AOAH: variants seen among roughly 807,000 people sequenced by gnomAD.
AOAH encodes the protein acyloxyacyl hydrolase (neutrophil).
A neutral mutation model predicts 92.2 loss-of-function variants in AOAH; 64 were observed. That is an observed-to-expected ratio of 0.69 (90% CI 0.57 to 0.86). AOAH has a LOEUF of 0.86. Ranked by LOEUF, AOAH falls within the 40% of genes least tolerant of loss-of-function variation. The pLI is 0.00. For missense variants in AOAH, 656 were observed against 694.6 expected, an observed-to-expected ratio of 0.94 and a Z score of 0.62; for synonymous variants, 263 against 254.5, an observed-to-expected ratio of 1.03 and a Z score of -0.32.
At chr7:36,668,078 T>C (rs1795656945) in intron 3 of AOAH, among the ~76,000 whole-genome samples, 1 of 152,222 alleles carries the variant, frequency 6.6e-6, no homozygotes, top group African/African-American at 2.4e-5. Flanking sequence ...ATACCTACCA[T>C]ATTTGTTACT....
intron 20 of AOAH, among the ~76,000 whole-genome samples, chr7:36,515,507 A>C (rs1314719934): frequency 1.5e-4 from 11 of 73,992 alleles, no homozygotes; most frequent in Non-Finnish European, 2.2e-4. Flanking sequence ...TCACAAACAC[A>C]CCCCCAAACA....
intron 3 of AOAH, among the ~76,000 whole-genome samples, chr7:36,672,166 C>A (rs534411445): frequency 6.6e-6 from 1 of 152,252 alleles, no homozygotes; most frequent in South Asian, 2.1e-4. Flanking sequence ...AGAGCGAGAT[C>A]GCTATTAAGA....
At chr7:36,537,520 T>TG (rs939349331) in intron 16 of AOAH, among the ~76,000 whole-genome samples, 13 of 145,044 alleles carry the variant, frequency 9.0e-5, no homozygotes, top group African/African-American at 3.1e-4. Context: ...TTTTTTTTTT[T>TG]TTGTTTGTTT....
At chr7:36,624,981 C>T (rs1792541769) in intron 6 of AOAH, among the ~76,000 whole-genome samples, 1 of 152,166 alleles carries the variant, frequency 6.6e-6, no homozygotes, top group Non-Finnish European at 1.5e-5. Context: ...TATATTAAAT[C>T]CTCCTTGCAC....
chr7:36,705,227 T>C (rs575232509), intron 1 of AOAH, among the ~76,000 whole-genome samples: 54 of 152,326 alleles, frequency 3.5e-4, no homozygotes, highest in African/African-American at 1.3e-3. Flanking sequence ...TGATTGTATA[T>C]TTAGAAAACC....
At chr7:36,653,499 T>C (rs1016452216) in intron 4 of AOAH, among the ~76,000 whole-genome samples, 2 of 152,194 alleles carry the variant, frequency 1.3e-5, no homozygotes, top group Admixed American at 1.3e-4. Flanking sequence ...TCCTGGTAGT[T>C]TGGATTCCAG....
chr7:36,547,206 G>T (rs374894373), intron 15 of AOAH, among the ~76,000 whole-genome samples: 1 of 152,148 alleles, frequency 6.6e-6, no homozygotes, highest in Non-Finnish European at 1.5e-5. Context: ...GAAAGTCCCC[G>T]GTGTCTCTTC....
At chr7:36,548,866 T>C (rs1785989939) in intron 14 of AOAH, among the ~76,000 whole-genome samples, 180 bp from the exon 15 acceptor site, 1 of 152,242 alleles carries the variant, frequency 6.6e-6, no homozygotes, top group African/African-American at 2.4e-5. Flanking sequence ...TTATTCTCTA[T>C]AATCATTATC....
Position 36,516,443 on chromosome 7 carries a change from CCA to C in AOAH, c.1600-3065_1600-3064del, listed in dbSNP as rs869031342. Among the ~76,000 whole-genome samples, 2 of 111,720 alleles carry C rather than the reference CCA, an allele frequency of 1.8e-5. No individual in the cohort carries two copies. Among genetic ancestry groups the C allele is most frequent in the Non-Finnish European group, 2.0e-5 (1 of 50,656 alleles). The allele number at this position is 111,720 out of a possible 152,430, so 73.3% of individuals were successfully genotyped here. A position where few individuals can be genotyped will look rare whatever the true frequency, so the allele number is the denominator to read the frequency against. ...CACAGAAAGCACGCAGATACCCCCC[CCA>C]CACACACAGAAAGTGCACGGATACC... On this transcript the variant is annotated intron_variant, in intron 20 of 20. Coordinates refer to ENST00000617537, the MANE Select transcript of AOAH (RefSeq NM_001637.4). This position sits in a 1 kb window ranked among gnomAD's most constrained non-coding sequence, Gnocchi z 5.0.
intron 1 of AOAH, chr7:36,690,035 T>C: frequency 2.9e-6 from 1 of 342,350 alleles, no homozygotes; most frequent in East Asian, 8.7e-5. Context: ...AATCCGTGGC[T>C]TAGAAGGATA....
chr7:36,675,977 A>G (rs1309928667), intron 2 of AOAH, among the ~76,000 whole-genome samples: 8 of 152,228 alleles, frequency 5.3e-5, no homozygotes, highest in Admixed American at 5.2e-4. Flanking sequence ...TCCTCAACCT[A>G]ATAAAGGTTA....
At chr7:36,676,756 C>T (rs1796278520) in intron 2 of AOAH, among the ~76,000 whole-genome samples, 1 of 152,118 alleles carries the variant, frequency 6.6e-6, no homozygotes, top group Non-Finnish European at 1.5e-5. Flanking sequence ...TAAAGACAGA[C>T]ATATGGATCA....
intron 4 of AOAH, among the ~76,000 whole-genome samples, chr7:36,656,505 G>C (rs1236967657): frequency 1.3e-5 from 2 of 152,008 alleles, no homozygotes; most frequent in African/African-American, 2.4e-5. Flanking sequence ...GAGAGAGAGA[G>C]ACCCAAGTTT....
Position 36,616,542 on chromosome 7 carries a change from T to C in AOAH, c.752-68A>G, listed in dbSNP as rs1490490209. ...GTTTGGAACCTCCAGACTGGGTAGA[T>C]ATAAGAGCGGATACCCTAGTGTGTA... On this transcript the variant is annotated intron_variant, in intron 10 of 20. Transcript: ENST00000617537. The C allele has an allele frequency of 8.7e-6, 11 of 1,261,504 alleles. 1 individual carries two copies. In the Admixed American group the frequency reaches 1.6e-4, roughly 19 times the overall value. The allele number at this position is 1,261,504 out of a possible 1,614,324, so 78.1% of individuals were successfully genotyped here.
chr7:36,662,411 G>A lies in AOAH; in HGVS notation c.291-3146C>T, dbSNP rs147524954. Among the ~76,000 whole-genome samples the A allele has an allele frequency of 2.3e-4, 35 of 152,326 alleles. No individual in the cohort carries two copies. The East Asian group carries it at 5.6e-3, about 24-fold the overall frequency. ...GACTGCAACTAAAAGTATCAAAGAC[G>A]CCATCCCTTTTAAGCAGTGAAGCAG... On this transcript the variant is annotated intron_variant, in intron 3 of 20. Transcript: ENST00000617537.
chr7:36,720,467 G>A (rs566575437), intron 1 of AOAH, among the ~76,000 whole-genome samples: 19 of 151,794 alleles, frequency 1.3e-4, no homozygotes, highest in South Asian at 2.1e-4. Context: ...CACCACACAC[G>A]ACCTAAAATC....
At position 36,540,404 on chromosome 7, in the gene AOAH, C is replaced by T. The variant is rs780318766; in HGVS notation, c.1221G>A (p.Leu407=). Residue 407 remains leucine, a synonymous_variant, in exon 16 of 21, where the codon CTG becomes CTA. Coordinates refer to ENST00000617537, the MANE Select transcript of AOAH (RefSeq NM_001637.4). ...ACAAAATAACATGGCTGCCATTGGG[C>T]AGGTGGGAATTTAGATGCTTCAGAG... ...MQTLKHLNSH[L]PNGSHVILYG... is the part of the protein sequence containing the mutation. 5 of 1,613,974 alleles carry T rather than the reference C, an allele frequency of 3.1e-6. No homozygotes were observed. Among genetic ancestry groups the T allele is most frequent in the Non-Finnish European group, 4.2e-6 (5 of 1,179,956 alleles).
intron 11 of AOAH, among the ~76,000 whole-genome samples, chr7:36,615,672 G>A (rs1222758772): frequency 6.6e-6 from 1 of 152,216 alleles, no homozygotes; most frequent in Non-Finnish European, 1.5e-5. Context: ...TCCTGATAAT[G>A]CAGCAGGTGT....
At chr7:36,549,590 T>A in intron 13 of AOAH, 115 bp from the exon 14 acceptor site, 1 of 704,064 alleles carries the variant, frequency 1.4e-6, no homozygotes, top group Non-Finnish European at 2.5e-6. Flanking sequence ...CGGGCAAAGG[T>A]TGTTCTGACC....
Sources: gnomAD v4.1 joint callset for allele counts (sites outside exome capture counted in the v4.1 genomes callset) on GRCh38, gnomAD v4.1.1 for gene constraint, Gnocchi (gnomAD v3.1) non-coding constraint, MANE v1.5 for transcripts, NCBI Gene and HGNC (gene_info 2026-07-23, HGNC 2026-07-21) for gene names.